RAB3IP: variants seen among roughly 807,000 people sequenced by gnomAD.
RAB3IP encodes the protein rab-3A-interacting protein.
RAB3IP carries 36 observed loss-of-function variants against 59.1 expected under a neutral mutation model. The observed-to-expected ratio is 0.61, with a 90% CI of 0.47 to 0.80. RAB3IP has a LOEUF of 0.80. Ranked by LOEUF, RAB3IP falls within the 30% of genes least tolerant of loss-of-function variation. The pLI is 0.00. For missense variants in RAB3IP, 511 were observed against 536.0 expected (o/e 0.95, Z 0.46); for synonymous variants, 207 against 191.2 (o/e 1.08, Z -0.68).
At chr12:69,807,709 ACT>A (rs2136273024) in intron 8 of RAB3IP, among the ~76,000 whole-genome samples, 1 of 130,770 alleles carries the variant, frequency 7.6e-6, no homozygotes, top group East Asian at 2.5e-4. Context: ...GGCGCTCCTC[ACT>A]TCCTAGATGG....
chr12:69,805,112 G>T (rs547100777), intron 8 of RAB3IP, among the ~76,000 whole-genome samples: 45 of 152,232 alleles, frequency 3.0e-4, no homozygotes, highest in East Asian at 2.5e-3. Flanking sequence ...ACAATATTGA[G>T]TCTTCCTACC....
At position 69,811,393 on chromosome 12, in the gene RAB3IP, A is replaced by C. The variant is rs759433394; in HGVS notation, c.1131-1385A>C. On this transcript the variant is annotated intron_variant, in intron 8 of 10. Transcript: ENST00000247833. ...ACCCTGCAGTTGTACTCCTGAACTT[A>C]CAAGTTAAAAAAAAGAAACACTTAT... Among the ~76,000 whole-genome samples, 185 of 152,340 alleles carry C rather than the reference A, an allele frequency of 1.2e-3. 1 individual carries two copies. The highest frequency in any genetic ancestry group is 3.4e-3 in the Middle Eastern group (1 of 294).
In RAB3IP at chr12:69,812,944, A is replaced by G. The variant is rs1371675749; in HGVS notation, c.1231-20A>G. ...TATGGGACATTTGACCATTCATGAC[A>G]TTTTCTCCATTTGGCCTAGATCACT... On this transcript the variant is annotated intron_variant, in intron 9 of 10. Coordinates refer to ENST00000247833, the MANE Select transcript of RAB3IP (RefSeq NM_022456.5). 9 of 1,611,204 alleles carry G rather than the reference A, an allele frequency of 5.6e-6. No individual in the cohort carries two copies. Among genetic ancestry groups the G allele is most frequent in the Non-Finnish European group, 7.6e-6 (9 of 1,177,426 alleles).
At chr12:69,770,294 C>A (rs533063912) in intron 3 of RAB3IP, among the ~76,000 whole-genome samples, 19 of 152,114 alleles carry the variant, frequency 1.2e-4, no homozygotes, top group Non-Finnish European at 2.2e-4. Flanking sequence ...ATCCGCCCCC[C>A]CACCCTGCCG....
chr12:69,772,562 G>A (rs1873313603), intron 3 of RAB3IP, among the ~76,000 whole-genome samples: 1 of 152,058 alleles, frequency 6.6e-6, no homozygotes. Context: ...TACTTTTAGT[G>A]TATCTATTGT....
At chr12:69,758,991 ATT>A (rs10715719) in intron 3 of RAB3IP, among the ~76,000 whole-genome samples, 20 of 148,632 alleles carry the variant, frequency 1.3e-4, no homozygotes, top group Admixed American at 2.0e-4. Context: ...CACTTCTAAG[ATT>A]TTTTTTTTTT....
intron 6 of RAB3IP, among the ~76,000 whole-genome samples, chr12:69,797,309 A>G (rs1877583536): frequency 6.6e-6 from 1 of 152,168 alleles, no homozygotes; most frequent in African/African-American, 2.4e-5. Flanking sequence ...TGGCAATCAT[A>G]ATATCTGTCT....
chr12:69,741,069 T>TA (rs1238955937), intron 1 of RAB3IP, among the ~76,000 whole-genome samples: 2 of 152,244 alleles, frequency 1.3e-5, no homozygotes, highest in Non-Finnish European at 2.9e-5. Context: ...TGCTGTTTTT[T>TA]ATGTTTCAAC....
intron 1 of RAB3IP, among the ~76,000 whole-genome samples, chr12:69,743,485 T>A (rs1487918782): frequency 6.6e-6 from 1 of 152,220 alleles, no homozygotes; most frequent in Non-Finnish European, 1.5e-5. Context: ...TTTTTCTTTC[T>A]TAGATCTTTA....
intron 3 of RAB3IP, among the ~76,000 whole-genome samples, chr12:69,767,599 C>T (rs780550960): frequency 4.6e-5 from 7 of 152,300 alleles, no homozygotes; most frequent in East Asian, 1.9e-4. Flanking sequence ...GCATGGGAGT[C>T]GGAGTAGCCT....
chr12:69,753,162 CACAT>C (rs1163469185), intron 1 of RAB3IP, among the ~76,000 whole-genome samples: 2 of 152,158 alleles, frequency 1.3e-5, no homozygotes, highest in African/African-American at 4.8e-5. Context: ...AAGTCTGTGA[CACAT>C]ACTAATTTGT....
rs910947889 is a variant in RAB3IP, at chr12:69,818,608, G to A, written c.*3162G>A. 6.6e-6 allele frequency: 1 copy of A among 152,154 alleles called. No individual in the cohort carries two copies. Among genetic ancestry groups the A allele is most frequent in the Non-Finnish European group, 1.5e-5 (1 of 68,040 alleles). The allele number at this position is 152,154 out of a possible 1,614,324, so 9.4% of individuals were successfully genotyped here. The stretch of plus-strand genomic sequence containing the variant: ...AAGGTGTAATGTGTTCACAGAATGG[G>A]TGATTATTACATGGCAGCAAAATGA... On this transcript the variant is annotated 3_prime_UTR_variant, in exon 11 of 11. Transcript: ENST00000247833.
At chr12:69,766,573 T>C (rs568927405) in intron 3 of RAB3IP, among the ~76,000 whole-genome samples, 1 of 151,612 alleles carries the variant, frequency 6.6e-6, no homozygotes, top group African/African-American at 2.4e-5. Flanking sequence ...CAGGCTGGAG[T>C]GCAATGGCAC....
intron 8 of RAB3IP, among the ~76,000 whole-genome samples, chr12:69,802,911 C>T (rs1438110740): frequency 6.6e-6 from 1 of 152,092 alleles, no homozygotes; most frequent in Non-Finnish European, 1.5e-5. Context: ...GCACGGTGGC[C>T]TCTGAATTTT....
intron 1 of RAB3IP, among the ~76,000 whole-genome samples, chr12:69,749,733 C>T (rs757590754): frequency 6.6e-5 from 10 of 152,090 alleles, no homozygotes; most frequent in Non-Finnish European, 1.0e-4. Flanking sequence ...TTTATTTTTT[C>T]GGGAATCCTT....
chr12:69,797,059 G>C (rs1452296347), intron 6 of RAB3IP, among the ~76,000 whole-genome samples: 1 of 152,160 alleles, frequency 6.6e-6, no homozygotes, highest in East Asian at 1.9e-4. Context: ...AATTTGACCT[G>C]TGTAAGTCTT....
At chr12:69,788,597 A>G (rs911942231) in intron 4 of RAB3IP, among the ~76,000 whole-genome samples, 2 of 152,156 alleles carry the variant, frequency 1.3e-5, no homozygotes, top group Admixed American at 1.3e-4. Flanking sequence ...ATACAGTAAT[A>G]CATTAATAAT....
intron 6 of RAB3IP, among the ~76,000 whole-genome samples, chr12:69,799,339 T>C (rs1261431701): frequency 1.3e-5 from 2 of 152,162 alleles, no homozygotes; most frequent in East Asian, 3.9e-4. Context: ...GGGAGACTGC[T>C]CTAGTTTGGG....
intron 3 of RAB3IP, among the ~76,000 whole-genome samples, chr12:69,780,490 C>T (rs997970529): frequency 2.0e-5 from 3 of 152,206 alleles, no homozygotes; most frequent in African/African-American, 7.2e-5. Context: ...TAGAAGCTCC[C>T]TGCACAGGTG....
Sources: allele counts gnomAD v4.1 joint callset (sites outside exome capture counted in the v4.1 genomes callset), GRCh38; gene constraint gnomAD v4.1.1; transcripts MANE v1.5; gene names NCBI Gene and HGNC (gene_info 2026-07-23, HGNC 2026-07-21).